Variants in CALD1 observed in about 807,000 individuals in gnomAD.
The protein encoded by CALD1 is caldesmon.
Under a neutral mutation model 99.9 loss-of-function variants are expected in CALD1, and 33 were observed. The observed-to-expected ratio is 0.33, with a 90% CI of 0.25 to 0.44. The LOEUF (loss-of-function observed/expected upper bound fraction) is 0.44, where lower values mean the gene tolerates loss of function less well. Among genes scored for constraint, CALD1 ranks in the 20% least tolerant of loss-of-function variants. The probability of loss-of-function intolerance (pLI) is 1.00; values close to 1 mark genes in which losing one functional copy is unlikely to be tolerated. For missense variants in CALD1, 861 were observed against 962.1 expected, an observed-to-expected ratio of 0.89 and a Z score of 1.39; for synonymous variants, 310 against 325.0, an observed-to-expected ratio of 0.95 and a Z score of 0.50.
At chr7:134,932,012 T>C (rs916155684) in intron 4 of CALD1, among the ~76,000 whole-genome samples, 8 of 152,340 alleles carry the variant, frequency 5.3e-5, no homozygotes, top group African/African-American at 1.7e-4. Flanking sequence ...TTCTTTTCTC[T>C]TGTGACTCTC....
chr7:134,958,354 G>C lies in CALD1; in HGVS notation c.2061+64G>C. 3 of 1,265,750 alleles carry C rather than the reference G, an allele frequency of 2.4e-6. No individual in the cohort carries two copies. In the Admixed American group the frequency reaches 5.1e-5, roughly 22 times the overall value. 78.4% of individuals were successfully genotyped at this position (1,265,750 alleles called of 1,614,324 possible). A position where few individuals can be genotyped will look rare whatever the true frequency, so the allele number is the denominator to read the frequency against. ...AAATAGATTCTGACTACATAGAAGA[G>C]CATAAAAACACTTAGGACAATAATC... On this transcript the variant is annotated intron_variant, in intron 11 of 14. Transcript: ENST00000361675.
chr7:134,817,777 T>C (rs1224520333), intron 1 of CALD1, among the ~76,000 whole-genome samples: 4 of 152,180 alleles, frequency 2.6e-5, no homozygotes, highest in Non-Finnish European at 4.4e-5. Context: ...GAAGTAGTAA[T>C]TATCTTACTC....
chr7:134,831,764 G>A (rs1399443742), intron 1 of CALD1, among the ~76,000 whole-genome samples: 1 of 152,230 alleles, frequency 6.6e-6, no homozygotes, highest in Non-Finnish European at 1.5e-5. Flanking sequence ...AGTTATCTGC[G>A]AGTTACCGGC....
chr7:134,840,278 G>A (rs1016815315), intron 1 of CALD1, among the ~76,000 whole-genome samples: 2 of 152,102 alleles, frequency 1.3e-5, no homozygotes, highest in East Asian at 3.8e-4. Context: ...ATTTAGGTGC[G>A]GGATGATGTT....
intron 2 of CALD1, among the ~76,000 whole-genome samples, chr7:134,852,289 G>T (rs1800115338): frequency 6.6e-6 from 1 of 151,272 alleles, no homozygotes. Flanking sequence ...AGAGACAAAG[G>T]CCCAGAGGCA....
intron 9 of CALD1, among the ~76,000 whole-genome samples, chr7:134,956,378 G>T (rs1316234970): frequency 6.6e-6 from 1 of 152,222 alleles, no homozygotes; most frequent in Non-Finnish European, 1.5e-5. Flanking sequence ...TCTGCAATAT[G>T]ATGGTATTAG....
At chr7:134,867,962 T>C (rs1441013008) in intron 3 of CALD1, 158 bp downstream of exon 3, 5 of 429,836 alleles carry the variant, frequency 1.2e-5, no homozygotes, top group Admixed American at 4.1e-5. Flanking sequence ...GACTCTAAAT[T>C]AAGCATTTAA....
At chr7:134,912,802 G>A (rs1172763082) in intron 3 of CALD1, among the ~76,000 whole-genome samples, 2 of 152,120 alleles carry the variant, frequency 1.3e-5, no homozygotes, top group African/African-American at 2.4e-5. Flanking sequence ...GGATTACTTT[G>A]AACTGGAACA....
chr7:134,711,702 G>A, the CALD1 span, among the ~76,000 whole-genome samples: 14 of 134,328 alleles, frequency 1.0e-4, no homozygotes, highest in East Asian at 1.1e-3. Flanking sequence ...GTGTGTGTGT[G>A]TGTGTGTGTG....
chr7:134,917,211 C>T (rs1016488015), intron 3 of CALD1, among the ~76,000 whole-genome samples: 11 of 152,194 alleles, frequency 7.2e-5, no homozygotes, highest in African/African-American at 2.7e-4. Flanking sequence ...TTATTGTCCA[C>T]ATCTACGATG....
chr7:134,939,518 A>G (rs1391246912), intron 6 of CALD1, among the ~76,000 whole-genome samples: 2 of 152,214 alleles, frequency 1.3e-5, no homozygotes, highest in African/African-American at 4.8e-5. Context: ...CATCCTAGGT[A>G]TATACCCCAT....
intron 3 of CALD1, among the ~76,000 whole-genome samples, chr7:134,873,079 C>T (rs1801174282): frequency 6.6e-6 from 1 of 151,898 alleles, no homozygotes; most frequent in Non-Finnish European, 1.5e-5. Context: ...CCCAGCTACT[C>T]GGGAAGCTGA....
intron 2 of CALD1, among the ~76,000 whole-genome samples, chr7:134,845,025 T>G (rs1799796016): frequency 1.3e-5 from 2 of 152,190 alleles, no homozygotes; most frequent in Admixed American, 1.3e-4. Flanking sequence ...GCTGCCACCA[T>G]CATTTTCCCT....
chr7:134,737,303 T>TC, the CALD1 span, among the ~76,000 whole-genome samples: 1 of 151,478 alleles, frequency 6.6e-6, no homozygotes, highest in African/African-American at 2.4e-5. Flanking sequence ...TTTTGTAATT[T>TC]TTTTTTGTAG....
Position 134,947,494 on chromosome 7 carries a change from C to T in CALD1, c.1533-14C>T, listed in dbSNP as rs1368550853. ...AAAGCATGTAAACCCCTTTCCATTG[C>T]CCCCCAACCACAGCCGCCCTGGAGG... On this transcript the variant is annotated splice_polypyrimidine_tract_variant and intron_variant, in intron 7 of 14. Transcript: ENST00000361675. 1.9e-6 allele frequency: 3 copies of T among 1,564,212 alleles called. No homozygotes were observed. The highest frequency in any genetic ancestry group is 1.8e-5 in the Admixed American group (1 of 54,066).
At chr7:134,769,766 T>A (rs1256637806) in intron 1 of CALD1, among the ~76,000 whole-genome samples, 2 of 152,150 alleles carry the variant, frequency 1.3e-5, no homozygotes, top group Non-Finnish European at 2.9e-5. Flanking sequence ...ACCTCTTGAG[T>A]AGCTGGGATT....
rs1801798070 is a variant in CALD1 at position 134,885,210 on chromosome 7, G to A, written c.71+17406G>A. ...TGCCTCCCAAAGTGCTGGGATTACA[G>A]GTGTGAGCCCCGACACCCGGCACCA... is the stretch of plus-strand genomic sequence containing the variant. On this transcript the variant is annotated intron_variant, in intron 3 of 14. Coordinates refer to ENST00000361675, the MANE Select transcript of CALD1 (RefSeq NM_033138.4). Among the ~76,000 whole-genome samples, 5 of 152,152 alleles carry A rather than the reference G, an allele frequency of 3.3e-5. No homozygotes were observed. The South Asian group carries it at 1.0e-3, about 32-fold the overall frequency.
At chr7:134,748,056 T>A (rs1483114249) in intron 1 of CALD1, among the ~76,000 whole-genome samples, 1 of 152,242 alleles carries the variant, frequency 6.6e-6, no homozygotes, top group Non-Finnish European at 1.5e-5. Context: ...GCCATCCCAG[T>A]GGGTCTGCAA....
chr7:134,864,116 C>T (rs1057502507), intron 2 of CALD1, among the ~76,000 whole-genome samples: 33 of 151,966 alleles, frequency 2.2e-4, no homozygotes, highest in Non-Finnish European at 4.4e-4. Flanking sequence ...TTTGGGAGGC[C>T]GAGGGGAGGA....
Sources: gnomAD v4.1 joint callset for allele counts (sites outside exome capture counted in the v4.1 genomes callset) on GRCh38, gnomAD v4.1.1 for gene constraint, MANE v1.5 for transcripts, NCBI Gene and HGNC (gene_info 2026-07-23, HGNC 2026-07-21) for gene names.